MAPK8: variants seen among roughly 807,000 people sequenced by gnomAD.
The protein encoded by MAPK8 is JUN N-terminal kinase.
A neutral mutation model predicts 52.9 loss-of-function variants in MAPK8; 13 were observed. The observed-to-expected ratio is 0.25, with a 90% CI of 0.16 to 0.39. The LOEUF (loss-of-function observed/expected upper bound fraction) is 0.39. Ranked by LOEUF, MAPK8 falls within the 10% of genes least tolerant of loss-of-function variation. The pLI is 1.00. For missense variants in MAPK8, 300 were observed against 519.2 expected, an observed-to-expected ratio of 0.58 and a Z score of 4.10; for synonymous variants, 191 against 169.8, an observed-to-expected ratio of 1.12 and a Z score of -0.97.
At chr10:48,312,182 G>A (rs996549035) in intron 1 of MAPK8, among the ~76,000 whole-genome samples, 6 of 152,210 alleles carry the variant, frequency 3.9e-5, no homozygotes, top group Non-Finnish European at 4.4e-5. Flanking sequence ...CCTGGTTTAA[G>A]TTGAGAGTGT....
intron 1 of MAPK8, among the ~76,000 whole-genome samples, chr10:48,370,749 A>T (rs1223974571): frequency 6.6e-6 from 1 of 152,130 alleles, no homozygotes; most frequent in East Asian, 1.9e-4. Flanking sequence ...TTAGTTTTAG[A>T]GGGAAGAAAA....
intron 1 of MAPK8, among the ~76,000 whole-genome samples, chr10:48,351,387 G>A (rs892145522): frequency 6.9e-5 from 10 of 144,842 alleles, no homozygotes; most frequent in Non-Finnish European, 1.3e-4. Context: ...TGATTGTCCC[G>A]CCTCAGCCTC....
chr10:48,388,275 T>C (rs1298570473), intron 1 of MAPK8, among the ~76,000 whole-genome samples: 1 of 152,224 alleles, frequency 6.6e-6, no homozygotes, highest in Non-Finnish European at 1.5e-5. Flanking sequence ...ATCAGTTGGC[T>C]AAATTCTAAG....
intron 1 of MAPK8, among the ~76,000 whole-genome samples, chr10:48,358,672 C>T (rs2132508343): frequency 6.6e-6 from 1 of 152,296 alleles, no homozygotes; most frequent in African/African-American, 2.4e-5. Flanking sequence ...GTCATATCTA[C>T]AAAACCGTTG....
chr10:48,368,657 T>A (rs1021717207), intron 1 of MAPK8, among the ~76,000 whole-genome samples: 1 of 152,162 alleles, frequency 6.6e-6, no homozygotes, highest in African/African-American at 2.4e-5. Flanking sequence ...GCAAGGGAGA[T>A]TCAGGGTCAA....
intron 1 of MAPK8, among the ~76,000 whole-genome samples, chr10:48,327,944 T>C (rs1475892365): frequency 6.6e-6 from 1 of 152,246 alleles, no homozygotes; most frequent in Non-Finnish European, 1.5e-5. Flanking sequence ...GTTGTACTTT[T>C]AATGTACTTG....
chr10:48,397,048 A>G (rs2041922171), intron 1 of MAPK8, among the ~76,000 whole-genome samples: 1 of 152,360 alleles, frequency 6.6e-6, no homozygotes, highest in African/African-American at 2.4e-5. Context: ...TACAACTATC[A>G]AAATGAGGAA....
intron 1 of MAPK8, among the ~76,000 whole-genome samples, chr10:48,308,487 T>C (rs1679481211): frequency 6.6e-6 from 1 of 152,206 alleles, no homozygotes; most frequent in South Asian, 2.1e-4. Flanking sequence ...GTGTAGGTCA[T>C]TCACTGTCCT....
At chr10:48,313,726 T>C (rs186416647) in intron 1 of MAPK8, among the ~76,000 whole-genome samples, 39 of 152,358 alleles carry the variant, frequency 2.6e-4, no homozygotes, top group Admixed American at 2.4e-3. Flanking sequence ...GCATGCAATA[T>C]GTATCACCTT....
intron 1 of MAPK8, among the ~76,000 whole-genome samples, chr10:48,342,562 C>G (rs1029703750): frequency 1.3e-5 from 2 of 152,058 alleles, no homozygotes; most frequent in Admixed American, 1.3e-4. Context: ...TATGGCAAAC[C>G]TATTAGGGAA....
chr10:48,403,839 C>T (rs1029915697), intron 2 of MAPK8, among the ~76,000 whole-genome samples: 2 of 151,740 alleles, frequency 1.3e-5, no homozygotes, highest in Non-Finnish European at 1.5e-5. Context: ...AGCTCCGCCT[C>T]CCGGGTTCAC....
chr10:48,324,528 T>C (rs1267853396), intron 1 of MAPK8, among the ~76,000 whole-genome samples: 2 of 149,180 alleles, frequency 1.3e-5, no homozygotes, highest in Non-Finnish European at 3.0e-5. Context: ...TTTACACTCA[T>C]GATATTGGCT....
At position 48,435,330 on chromosome 10, in the gene MAPK8, G is replaced by C. The variant is rs2133404077; in HGVS notation, c.*301G>C. The C allele has an allele frequency of 3.9e-6, 1 of 254,382 alleles. No individual in the cohort carries two copies. Among genetic ancestry groups the C allele is most frequent in the Admixed American group, 5.4e-5 (1 of 18,520 alleles). 15.8% of individuals were successfully genotyped at this position (254,382 alleles called of 1,614,324 possible). ...CATATTTGCTTTATCTTATGCTGCT[G>C]ATTTTTTTAACTGAATTTGTAAGAT... On this transcript the variant is annotated 3_prime_UTR_variant, in exon 12 of 12. Coordinates refer to ENST00000374189, the MANE Select transcript of MAPK8 (RefSeq NM_001323329.2).
At position 48,425,216 on chromosome 10, in the gene MAPK8, A is replaced by G. The variant is rs138956866; in HGVS notation, c.689-672A>G. 2.1e-3 allele frequency: 1,625 copies of G among 763,546 alleles called. 22 individuals carry two copies. The African/African-American group carries it at 0.023, about 11-fold the overall frequency. 47.3% of individuals were successfully genotyped at this position (763,546 alleles called of 1,614,324 possible). On this transcript the variant is annotated intron_variant, in intron 7 of 11. Coordinates refer to ENST00000374189, the MANE Select transcript of MAPK8 (RefSeq NM_001323329.2). Reference sequence around the variant, plus strand: ...GAAAAGGCATATTCACAAGGTTACAATAAGTGAGTTTTAGGCCTTGGCCTT... The same window carrying G: ...GAAAAGGCATATTCACAAGGTTACAGTAAGTGAGTTTTAGGCCTTGGCCTT...
Position 48,424,101 on chromosome 10 carries a change from T to C in MAPK8, c.630T>C (p.Ser210=), listed in dbSNP as rs1220461095. The change falls in exon 7 of 12, where the codon TCT becomes TCC. Residue 210 remains serine, a synonymous_variant. Transcript: ENST00000374189. ...MGYKENVDLW[S]VGCIMGEMVC... is the part of the protein sequence containing the mutation. Reference sequence around the variant, plus strand: ...GCAAACATATAGTGGATTTATGGTCTGTGGGGTGCATTATGGGAGAAATGG... The same window carrying C: ...GCAAACATATAGTGGATTTATGGTCCGTGGGGTGCATTATGGGAGAAATGG... 1 of 1,613,434 alleles carries C rather than the reference T, an allele frequency of 6.2e-7. No homozygotes were observed. Among genetic ancestry groups the C allele is most frequent in the Non-Finnish European group, 8.5e-7 (1 of 1,179,478 alleles).
rs141513049 is a variant in MAPK8, at chr10:48,366,492, G to C, written c.-49-35120G>C. 6.6e-5 allele frequency among the ~76,000 whole-genome samples: 10 copies of C among 152,272 alleles called. No homozygotes were observed. In the South Asian group the frequency reaches 1.9e-3, roughly 28 times the overall value. On this transcript the variant is annotated intron_variant, in intron 1 of 11. Transcript: ENST00000374189. Reference sequence around the variant, plus strand: ...CAGCTTTTAACCTGGGATTGGCTGAGACTCAGATGTGTGGTTATAAGGGTA... The same window carrying C: ...CAGCTTTTAACCTGGGATTGGCTGACACTCAGATGTGTGGTTATAAGGGTA...
intron 9 of MAPK8, chr10:48,426,854 A>G (rs1258820561): frequency 2.0e-6 from 1 of 496,566 alleles, no homozygotes; most frequent in African/African-American, 1.9e-5. Context: ...AAATGTGGCA[A>G]TTTCAAGAGC....
Position 48,378,977 on chromosome 10 carries a change from A to G in MAPK8, c.-49-22635A>G, listed in dbSNP as rs574835768. On this transcript the variant is annotated intron_variant, in intron 1 of 11. Transcript: ENST00000374189. Reference sequence around the variant, plus strand: ...AATAGACCAATTTATTTGCAAAAAAAGTTTTAGAGTTATTATACTTGGCCT... The same window carrying G: ...AATAGACCAATTTATTTGCAAAAAAGGTTTTAGAGTTATTATACTTGGCCT... Among the ~76,000 whole-genome samples, 5 of 152,290 alleles carry G rather than the reference A, an allele frequency of 3.3e-5. No individual in the cohort carries two copies. In the South Asian group the frequency reaches 1.0e-3, roughly 32 times the overall value.
rs180711168 is a variant in MAPK8 at position 48,372,021 on chromosome 10, G to C, written c.-49-29591G>C. Among the ~76,000 whole-genome samples the C allele has an allele frequency of 1.1e-3, 166 of 152,160 alleles. 1 individual carries two copies. Among genetic ancestry groups the C allele is most frequent in the African/African-American group, 3.8e-3 (158 of 41,530 alleles). ...CAGCTATGCCACGCTCTGGGAACCT[G>C]CATGTGTTAATGTTATCCAGAAGCC... On this transcript the variant is annotated intron_variant, in intron 1 of 11. Coordinates refer to ENST00000374189, the MANE Select transcript of MAPK8 (RefSeq NM_001323329.2).
Sources: allele counts gnomAD v4.1 joint callset (sites outside exome capture counted in the v4.1 genomes callset), GRCh38; gene constraint gnomAD v4.1.1; transcripts MANE v1.5; gene names NCBI Gene and HGNC (gene_info 2026-07-23, HGNC 2026-07-21).